Variants in KRI1 observed in about 807,000 individuals in gnomAD.
KRI1 encodes the protein KRI1 homolog.
In KRI1, 83 loss-of-function variants were observed where a neutral mutation model predicts 97.0. The ratio of observed to expected loss-of-function variants is 0.86; its 90% CI spans 0.72 to 1.03. KRI1 has a LOEUF of 1.03. KRI1 is among the 50% of genes least tolerant of loss of function. The pLI, the probability that KRI1 is intolerant of heterozygous loss-of-function variation, is 0.00. For synonymous variants in KRI1, 371 were observed against 363.5 expected (o/e 1.02, Z -0.23); for missense variants, 916 against 928.4 (o/e 0.99, Z 0.17).
At chr19:10,555,384 T>C (rs1916475671) in intron 16 of KRI1, 35 bp from the exon 17 acceptor site, 1 of 1,611,730 alleles carries the variant, frequency 6.2e-7, no homozygotes, top group South Asian at 1.1e-5. Flanking sequence ...CCTGCTGTGA[T>C]ATTGCCCAGG....
intron 9 of KRI1, 82 bp from the exon 10 acceptor site, chr19:10,560,018 G>A (rs185778842): frequency 7.2e-5 from 108 of 1,508,938 alleles, no homozygotes; most frequent in Admixed American, 2.3e-4. Context: ...GGTACGAAGC[G>A]TATGAACTCA....
At chr19:10,560,642 T>C (rs1055219497) in intron 8 of KRI1, among the ~76,000 whole-genome samples, 194 bp from the exon 9 acceptor site, 5 of 152,160 alleles carry the variant, frequency 3.3e-5, no homozygotes, top group African/African-American at 9.7e-5. Flanking sequence ...CATAGCTCAC[T>C]GCAGACCCAA....
At position 10,565,990 on chromosome 19, in the gene KRI1, G is replaced by A. The variant is rs1481432949; in HGVS notation, c.10C>T (p.Pro4Ser). 1.3e-6 allele frequency: 2 copies of A among 1,521,896 alleles called. No individual in the cohort carries two copies. The highest frequency in any genetic ancestry group is 2.4e-5 in the South Asian group (2 of 82,288). The allele number at this position is 1,521,896 out of a possible 1,614,324, so 94.3% of individuals were successfully genotyped here. A position where few individuals can be genotyped will look rare whatever the true frequency, so the allele number is the denominator to read the frequency against. The change falls in exon 1 of 19, where the codon CCG (proline) becomes TCG (serine). Residue 4 changes from proline (P) to serine (S), a missense_variant. Pro to Ser is a moderately conservative substitution (Grantham distance 74, BLOSUM62 -1). Transcript: ENST00000312962. The stretch of plus-strand genomic sequence containing the variant: ...ACCCGCAGCTGCGACGACCCGCGCG[G>A]TTCCGGCATGGCGGTTCTGTGGCCC... MPEPRGSSQLRVNA... is the reference protein window; with the variant it reads MPESRGSSQLRVNA...
In KRI1 at chr19:10,553,283, AAGG is replaced by A. The variant is rs1916365735; in HGVS notation, c.*665_*667del. The stretch of plus-strand genomic sequence containing the variant: ...GCGGGGCCCTCCTGGCAGGGTAGGG[AAGG>A]AGGACCCCGGGCACCCCCCTCAGGG... On this transcript the variant is annotated 3_prime_UTR_variant, in exon 19 of 19. Transcript: ENST00000312962. 1 of 591,770 alleles carries A rather than the reference AAGG, an allele frequency of 1.7e-6. No individual in the cohort carries two copies. Among genetic ancestry groups the A allele is most frequent in the Non-Finnish European group, 2.8e-6 (1 of 358,030 alleles). 36.7% of individuals were successfully genotyped at this position (591,770 alleles called of 1,614,324 possible). A position where few individuals can be genotyped will look rare whatever the true frequency, so the allele number is the denominator to read the frequency against.
At chr19:10,563,349 C>T (rs368892918) in intron 3 of KRI1, among the ~76,000 whole-genome samples, 4 of 151,568 alleles carry the variant, frequency 2.6e-5, no homozygotes, top group African/African-American at 9.7e-5. Flanking sequence ...AGCCACCGCA[C>T]CCGGCCATTA....
At chr19:10,560,476 G>A (rs774731934) in intron 8 of KRI1, 28 bp from the exon 9 acceptor site, 6 of 1,544,632 alleles carry the variant, frequency 3.9e-6, no homozygotes, top group East Asian at 2.3e-5. Flanking sequence ...CAGGACTCTG[G>A]TCAATGGAGG....
chr19:10,556,365 T>C (rs2144715654), intron 16 of KRI1, among the ~76,000 whole-genome samples: 1 of 150,106 alleles, frequency 6.7e-6, no homozygotes, highest in East Asian at 2.1e-4. Context: ...TAATACATAC[T>C]GACAGGAATA....
rs1484574180 is a variant in KRI1 at position 10,562,767 on chromosome 19, C to T, written c.345G>A (p.Leu115=). The change falls in exon 4 of 19, where the codon CTG becomes CTA. Residue 115 remains leucine (L), a synonymous_variant. Coordinates refer to ENST00000312962, the MANE Select transcript of KRI1 (RefSeq NM_023008.5). Reference sequence around the variant, plus strand: ...AGATAACCTTCCTCTCGTAGTCCTTCAGGTACATGGGCCGCACTTTCTTCT... The same window carrying T: ...AGATAACCTTCCTCTCGTAGTCCTTTAGGTACATGGGCCGCACTTTCTTCT... ...EKQKKVRPMY[L]KDYERKVILE... The T allele has an allele frequency of 6.2e-7, 1 of 1,612,118 alleles. No homozygotes were observed. Among genetic ancestry groups the T allele is most frequent in the Non-Finnish European group, 8.5e-7 (1 of 1,178,154 alleles).
At chr19:10,557,502 C>T (rs756796833) in intron 16 of KRI1, 50 bp downstream of exon 16, 15 of 1,580,106 alleles carry the variant, frequency 9.5e-6, no homozygotes, top group African/African-American at 5.4e-5. Flanking sequence ...TCTACCCCTT[C>T]GGCATACCTG....
Position 10,553,206 on chromosome 19 carries a change from G to A in KRI1, c.*745C>T, listed in dbSNP as rs933173964. The A allele has an allele frequency of 2.7e-6, 3 of 1,102,224 alleles. No individual in the cohort carries two copies. Among genetic ancestry groups the A allele is most frequent in the African/African-American group, 3.2e-5 (2 of 63,146 alleles). The allele number at this position is 1,102,224 out of a possible 1,614,324, so 68.3% of individuals were successfully genotyped here. On this transcript the variant is annotated 3_prime_UTR_variant, in exon 19 of 19. Coordinates refer to ENST00000312962, the MANE Select transcript of KRI1 (RefSeq NM_023008.5). ...CAAGCCCAGCTGCAACCAGTCTGGG[G>A]CCATTCAGCCAGGGACAGAGCCCAC... is the stretch of plus-strand genomic sequence containing the variant.
rs145907281 is a variant in KRI1, at chr19:10,554,233, G to A, written c.1830C>T (p.Ala610=). 9.9e-5 allele frequency: 159 copies of A among 1,614,020 alleles called. No individual in the cohort carries two copies. The highest frequency in any genetic ancestry group is 4.9e-4 in the African/African-American group (37 of 75,048). Residue 610 remains alanine (A), a synonymous_variant, in exon 19 of 19, where the codon GCC becomes GCT. Coordinates refer to ENST00000312962, the MANE Select transcript of KRI1 (RefSeq NM_023008.5). The part of the protein sequence containing the change: ...EATGKPQRDE[A]GPQRQLPALD... ...GGGCTGGCAGCTGCCTCTGTGGGCC[G>A]GCTTCATCTCTCTGTGGCTTCCCTG...
Position 10,554,129 on chromosome 19 carries a change from GC to G in KRI1, c.1933del (p.Ala645ProfsTer18), listed in dbSNP as rs1568420073. Reference sequence around the variant, plus strand: ...CTTGGCCCTCCTCCGCTTCTGGGGGGCTGGCTTCTTGTGGGGTGATACAGGG... The same window carrying G: ...CTTGGCCCTCCTCCGCTTCTGGGGGGTGGCTTCTTGTGGGGTGATACAGGG... ...EAPVSPHKKP[A>X]PQKRRRAKKA... On this transcript the variant is annotated frameshift_variant, in exon 19 of 19. Coordinates refer to ENST00000312962, the MANE Select transcript of KRI1 (RefSeq NM_023008.5). LOFTEE classifies it high-confidence loss of function. 6.2e-7 allele frequency: 1 copy of G among 1,614,136 alleles called. No homozygotes were observed. The highest frequency in any genetic ancestry group is 1.7e-5 in the Admixed American group (1 of 60,012).
At chr19:10,555,003 T>C (rs1834322649) in intron 18 of KRI1, 84 bp downstream of exon 18, 6 of 1,142,680 alleles carry the variant, frequency 5.3e-6, no homozygotes, top group Middle Eastern at 2.7e-4. Context: ...CCCAAAGTCA[T>C]GCAACAAGAG....
At chr19:10,556,901 G>T (rs1311543216) in intron 16 of KRI1, among the ~76,000 whole-genome samples, 1 of 151,864 alleles carries the variant, frequency 6.6e-6, no homozygotes, top group Admixed American at 6.6e-5. Flanking sequence ...TACTTGGGAG[G>T]CTGAGGTAGG....
rs762518757 is a variant in KRI1, at chr19:10,565,989, G to A, written c.11C>T (p.Pro4Leu). ...CACCCGCAGCTGCGACGACCCGCGCGGTTCCGGCATGGCGGTTCTGTGGCC... is the reference window on the plus strand; with the variant it reads ...CACCCGCAGCTGCGACGACCCGCGCAGTTCCGGCATGGCGGTTCTGTGGCC... MPE[P>L]RGSSQLRVNA... The change falls in exon 1 of 19, where the codon CCG becomes CTG. Residue 4 changes from proline (P) to leucine (L), a missense_variant. By Grantham distance (98) the Pro-to-Leu change is moderately conservative (BLOSUM62 -3). Coordinates refer to ENST00000312962, the MANE Select transcript of KRI1 (RefSeq NM_023008.5). 2.0e-6 allele frequency: 3 copies of A among 1,521,922 alleles called. No individual in the cohort carries two copies. The highest frequency in any genetic ancestry group is 2.9e-5 in the African/African-American group (2 of 70,124). 94.3% of individuals were successfully genotyped at this position (1,521,922 alleles called of 1,614,324 possible).
rs1202564124 is a variant in KRI1, at chr19:10,557,623, T to C, written c.1546A>G (p.Ile516Val). 1.5e-5 allele frequency: 25 copies of C among 1,614,064 alleles called. No homozygotes were observed. Among genetic ancestry groups the C allele is most frequent in the Non-Finnish European group, 2.1e-5 (25 of 1,180,014 alleles). ...EYYRLDYEDI[I>V]DDLPCRFKYR... ...TTGAAGCGACAGGGCAGGTCGTCGATGATGTCCTCGTAGTCCAGCCGGTAA... is the reference window on the plus strand; with the variant it reads ...TTGAAGCGACAGGGCAGGTCGTCGACGATGTCCTCGTAGTCCAGCCGGTAA... The change falls in exon 16 of 19, where the codon ATC becomes GTC. Residue 516 changes from isoleucine (I) to valine (V), a missense_variant. By Grantham distance (29) the Ile-to-Val change is conservative. This residue lies in a region of KRI1 where 672 missense variants were observed against 667.2 expected (regional missense o/e 1.01). Transcript: ENST00000312962.
intron 3 of KRI1, 65 bp downstream of exon 3, chr19:10,564,864 G>T: frequency 3.0e-6 from 3 of 1,016,928 alleles, no homozygotes; most frequent in South Asian, 1.3e-5. Context: ...TGAATCCACA[G>T]TCAGGAAAGG....
rs189038444 is a variant in KRI1 at position 10,560,338 on chromosome 19, A to T, written c.774T>A (p.Asp258Glu). 1.1e-4 allele frequency: 172 copies of T among 1,611,942 alleles called. No individual in the cohort carries two copies. The highest frequency in any genetic ancestry group is 1.3e-4 in the Non-Finnish European group (156 of 1,178,956). The change falls in exon 9 of 19, where the codon GAT (aspartate) becomes GAA (glutamate). Residue 258 changes from aspartate to glutamate, a missense_variant. Physicochemically the swap from Asp to Glu is conservative, Grantham distance 45. Around this residue, in one of 3 missense-constraint regions of KRI1, gnomAD observed 672 missense variants for 667.2 expected, o/e 1.01. Transcript: ENST00000312962. ...CCTCCTCTTCCTCCATTTCCTCTTC[A>T]TCTTCCTCCTCCTCTTCCTCCTCCT... ...RYEEEEEEEE[D>E]EEEMEEEEGV...
rs1323756086 is a variant in KRI1 at position 10,560,413 on chromosome 19, C to T, written c.699G>A (p.Leu233=). Residue 233 remains leucine (L), a synonymous_variant, in exon 9 of 19, where the codon TTG becomes TTA. Transcript: ENST00000312962. ...HLKEYWNDPE[L]DEGERFLRDY... is the part of the protein sequence containing the mutation. ...CCCGCAGGAACCGCTCCCCTTCATC[C>T]AACTCAGGGTCGTTCCAGTATTCCT... is the stretch of plus-strand genomic sequence containing the variant. 2 of 1,613,966 alleles carry T rather than the reference C, an allele frequency of 1.2e-6. No homozygotes were observed. The highest frequency in any genetic ancestry group is 2.2e-5 in the East Asian group (1 of 44,882).
Sources: allele counts gnomAD v4.1 joint callset (sites outside exome capture counted in the v4.1 genomes callset), GRCh38; gene constraint gnomAD v4.1.1; regional missense constraint gnomAD v4.1.1; transcripts MANE v1.5; gene names NCBI Gene and HGNC (gene_info 2026-07-23, HGNC 2026-07-21).